IGFL2: variants seen among roughly 807,000 people sequenced by gnomAD.
IGFL2 encodes the protein IGF like family member 2, also known as insulin growth factor-like family member 2.
A neutral mutation model predicts 13.9 loss-of-function variants in IGFL2; 7 were observed. The ratio of observed to expected loss-of-function variants is 0.51; its 90% CI spans 0.29 to 0.95. The LOEUF (loss-of-function observed/expected upper bound fraction) is 0.95, where lower values mean the gene tolerates loss of function less well. IGFL2 is among the 40% of genes least tolerant of loss of function. The pLI, the probability that IGFL2 is intolerant of heterozygous loss-of-function variation, is 0.08. For missense variants in IGFL2, 138 were observed against 147.8 expected, an observed-to-expected ratio of 0.93 and a Z score of 0.34; for synonymous variants, 55 against 55.8, an observed-to-expected ratio of 0.99 and a Z score of 0.07.
Position 46,148,897 on chromosome 19 carries a change from G to A in IGFL2, c.19+600G>A, listed in dbSNP as rs1973287437. ...ATCTGCAATCTGTTGGGACTGTGAT[G>A]AGGGGATCATCCTGCCCTCGAACCA... is the stretch of plus-strand genomic sequence containing the variant. On this transcript the variant is annotated intron_variant, in intron 1 of 3. Coordinates refer to ENST00000377693, the MANE Select transcript of IGFL2 (RefSeq NM_001135113.2). 7 of 1,548,022 alleles carry A rather than the reference G, an allele frequency of 4.5e-6. No homozygotes were observed. In the East Asian group the frequency reaches 1.7e-4, roughly 38 times the overall value.
At chr19:46,104,918 G>A in the IGFL2 span, among the ~76,000 whole-genome samples, 68 of 152,346 alleles carry the variant, frequency 4.5e-4, 1 homozygote, top group Middle Eastern at 0.027. Flanking sequence ...TTTGCCTTGT[G>A]TGAGAGGAGA....
At chr19:46,110,737 A>G in the IGFL2 span, among the ~76,000 whole-genome samples, 1 of 152,260 alleles carries the variant, frequency 6.6e-6, no homozygotes, top group East Asian at 1.9e-4. Flanking sequence ...TCTGACAAGA[A>G]GTAAACACCC....
At chr19:46,103,505 A>G in the IGFL2 span, among the ~76,000 whole-genome samples, 1 of 152,178 alleles carries the variant, frequency 6.6e-6, no homozygotes, top group Non-Finnish European at 1.5e-5. Context: ...CCCTGTGAGC[A>G]AAGATCATCT....
the IGFL2 span, among the ~76,000 whole-genome samples, chr19:46,121,394 GAA>G: frequency 7.2e-5 from 9 of 124,398 alleles, no homozygotes; most frequent in Admixed American, 8.2e-5. Context: ...ATCCTGTCTT[GAA>G]AAAAAAAAAA....
upstream of IGFL2, among the ~76,000 whole-genome samples, chr19:46,142,547 C>G (rs1271682146): frequency 6.6e-6 from 1 of 152,152 alleles, no homozygotes; most frequent in Non-Finnish European, 1.5e-5. Flanking sequence ...AAACAATGCA[C>G]TGTGATGTAA....
the IGFL2 span, chr19:46,209,087 G>T: frequency 6.9e-6 from 1 of 144,010 alleles, no homozygotes; most frequent in African/African-American, 2.5e-5. Flanking sequence ...GGAGGGGTCT[G>T]TGTCCTCCCC....
the IGFL2 span, chr19:46,123,935 C>A: frequency 1.2e-6 from 2 of 1,611,248 alleles, no homozygotes; most frequent in African/African-American, 1.4e-5. Flanking sequence ...GACTTCATAC[C>A]CAGAACCCTC....
At chr19:46,106,928 G>A in the IGFL2 span, among the ~76,000 whole-genome samples, 4 of 152,122 alleles carry the variant, frequency 2.6e-5, no homozygotes, top group Admixed American at 6.6e-5. Context: ...GGGAGGATTC[G>A]AAGGAGGCTA....
the IGFL2 span, among the ~76,000 whole-genome samples, chr19:46,109,938 G>A: frequency 1.3e-5 from 2 of 152,154 alleles, no homozygotes; most frequent in Non-Finnish European, 2.9e-5. Flanking sequence ...GGGTCACAGG[G>A]GATATGATGG....
chr19:46,122,426 A>G, the IGFL2 span, among the ~76,000 whole-genome samples: 1 of 151,152 alleles, frequency 6.6e-6, no homozygotes, highest in Non-Finnish European at 1.5e-5. Flanking sequence ...TGGAACAAAT[A>G]GGTGAAGTCA....
chr19:46,098,090 T>C, the IGFL2 span, among the ~76,000 whole-genome samples: 1 of 152,212 alleles, frequency 6.6e-6, no homozygotes, highest in African/African-American at 2.4e-5. Flanking sequence ...TAGTCTGATA[T>C]TGACAGTGGG....
the IGFL2 span, among the ~76,000 whole-genome samples, chr19:46,105,026 T>G: frequency 3.9e-5 from 6 of 152,198 alleles, no homozygotes; most frequent in African/African-American, 9.7e-5. Flanking sequence ...GCTAGCTGCT[T>G]CTTCAGCTAC....
the IGFL2 span, among the ~76,000 whole-genome samples, chr19:46,130,128 C>CT: frequency 6.6e-6 from 1 of 152,018 alleles, no homozygotes; most frequent in Non-Finnish European, 1.5e-5. Context: ...CCTTCTTTGT[C>CT]TTTTTTTATC....
the IGFL2 span, among the ~76,000 whole-genome samples, chr19:46,098,604 A>G: frequency 1.5e-3 from 233 of 151,062 alleles, 1 homozygote; most frequent in African/African-American, 5.0e-3. Flanking sequence ...TCAGCCTCCC[A>G]AGTAGCTGGG....
the IGFL2 span, among the ~76,000 whole-genome samples, chr19:46,179,206 C>G: frequency 8.4e-5 from 12 of 143,496 alleles, no homozygotes; most frequent in Admixed American, 2.8e-4. Flanking sequence ...AGGGTGAGCT[C>G]TGAGCAGAGC....
the IGFL2 span, among the ~76,000 whole-genome samples, chr19:46,086,958 T>C: frequency 6.6e-6 from 1 of 152,168 alleles, no homozygotes; most frequent in Admixed American, 6.5e-5. Flanking sequence ...AAGGCTATTA[T>C]GAAGTTTTGC....
At chr19:46,160,051 C>T (rs940720258) in intron 1 of IGFL2, 1 of 294,750 alleles carries the variant, frequency 3.4e-6, no homozygotes, top group Non-Finnish European at 6.5e-6. Context: ...CAGTTCTCCA[C>T]TTGCCAATCT....
chr19:46,152,777 T>C (rs2146852067), intron 1 of IGFL2, among the ~76,000 whole-genome samples: 1 of 152,354 alleles, frequency 6.6e-6, no homozygotes, highest in South Asian at 2.1e-4. Context: ...ATTCAATCTT[T>C]CACAATTAAG....
the IGFL2 span, among the ~76,000 whole-genome samples, chr19:46,087,175 G>C: frequency 6.3e-4 from 96 of 152,262 alleles, no homozygotes; most frequent in African/African-American, 2.3e-3. Flanking sequence ...TTGGGCCCTG[G>C]GCATAAGTAG....
Sources: gnomAD v4.1 joint callset for allele counts (sites outside exome capture counted in the v4.1 genomes callset) on GRCh38, gnomAD v4.1.1 for gene constraint, MANE v1.5 for transcripts, NCBI Gene and HGNC (gene_info 2026-07-23, HGNC 2026-07-21) for gene names.